RGS22: variants seen among roughly 807,000 people sequenced by gnomAD.
RGS22 encodes the protein regulator of G-protein signaling 22.
A neutral mutation model predicts 172.9 loss-of-function variants in RGS22; 148 were observed. That is an observed-to-expected ratio of 0.86 (90% CI 0.75 to 0.98). The LOEUF (loss-of-function observed/expected upper bound fraction) is 0.98, where lower values mean the gene tolerates loss of function less well. Among genes scored for constraint, RGS22 ranks in the 50% least tolerant of loss-of-function variants. The pLI, the probability that RGS22 is intolerant of heterozygous loss-of-function variation, is 0.00. For synonymous variants in RGS22, 458 were observed against 480.2 expected (o/e 0.95, Z 0.60); for missense variants, 1,347 against 1,440.8 (o/e 0.93, Z 1.05).
At chr8:100,051,695 A>ACG (rs1821449959) in intron 10 of RGS22, among the ~76,000 whole-genome samples, 1 of 43,988 alleles carries the variant, frequency 2.3e-5, no homozygotes, top group African/African-American at 1.5e-4. Context: ...ATATATATTT[A>ACG]TATATACGTA....
intron 22 of RGS22, 50 bp downstream of exon 22, chr8:99,981,887 A>T: frequency 6.7e-7 from 1 of 1,501,594 alleles, no homozygotes. Flanking sequence ...CTTTAAAAGG[A>T]TTGTCAATCT....
chr8:100,004,698 G>A (rs1405755378), intron 16 of RGS22: 1 of 151,270 alleles, frequency 6.6e-6, no homozygotes, highest in African/African-American at 2.4e-5. Flanking sequence ...TTTGTGATCT[G>A]GTTCTTTTTC....
chr8:100,093,838 TG>T (rs1812769463), intron 2 of RGS22, among the ~76,000 whole-genome samples: 1 of 152,148 alleles, frequency 6.6e-6, no homozygotes, highest in African/African-American at 2.4e-5. Context: ...TACCACCACA[TG>T]GTAAGTTTCA....
At chr8:100,087,981 C>A (rs1454149810) in intron 3 of RGS22, among the ~76,000 whole-genome samples, 2 of 152,032 alleles carry the variant, frequency 1.3e-5, no homozygotes, top group Non-Finnish European at 2.9e-5. Flanking sequence ...CTGAACTAAG[C>A]AGTTTCCTAG....
At position 100,062,577 on chromosome 8, in the gene RGS22, T is replaced by G. The variant is rs781668410; in HGVS notation, c.1514+14A>C. On this transcript the variant is annotated intron_variant, in intron 9 of 27. Transcript: ENST00000360863. ...AGGAAAGTGAAAGTAAGTAACTGAT[T>G]CATGTTTTCTTACCAATACAGAAGT... 6.5e-7 allele frequency: 1 copy of G among 1,541,000 alleles called. No individual in the cohort carries two copies. Among genetic ancestry groups the G allele is most frequent in the Non-Finnish European group, 8.9e-7 (1 of 1,126,420 alleles).
intron 14 of RGS22, among the ~76,000 whole-genome samples, chr8:100,025,562 T>C (rs1034380244): frequency 1.3e-5 from 2 of 152,146 alleles, no homozygotes; most frequent in Admixed American, 6.5e-5. Flanking sequence ...AAATACACCA[T>C]CAGCCTAGAG....
At chr8:100,040,407 C>A (rs1819976974) in intron 12 of RGS22, among the ~76,000 whole-genome samples, 3 of 152,004 alleles carry the variant, frequency 2.0e-5, no homozygotes, top group Admixed American at 2.0e-4. Flanking sequence ...TATTCCAAAT[C>A]CTTGTTGGTG....
intron 6 of RGS22, among the ~76,000 whole-genome samples, chr8:100,067,119 C>A (rs1810587775): frequency 6.6e-6 from 1 of 152,168 alleles, no homozygotes; most frequent in Non-Finnish European, 1.5e-5. Flanking sequence ...TCTGATTTAT[C>A]CAACTCAGTC....
chr8:99,994,957 C>T (rs1203526716), intron 20 of RGS22, among the ~76,000 whole-genome samples: 3 of 152,078 alleles, frequency 2.0e-5, no homozygotes. Flanking sequence ...TCAGAAATAA[C>T]ACCACACATC....
intron 2 of RGS22, among the ~76,000 whole-genome samples, chr8:100,100,476 G>A (rs565539386): frequency 6.6e-6 from 1 of 152,188 alleles, no homozygotes; most frequent in Admixed American, 6.5e-5. Context: ...TTTTGGTAGA[G>A]ACGCAGTTTC....
At position 100,063,982 on chromosome 8, in the gene RGS22, G is replaced by C; in HGVS notation, c.786C>G (p.Asn262Lys). ...PRTKKDPSKT[N>K]KLISEFEEEE... Reference sequence around the variant, plus strand: ...CTTCTTCAAATTCAGAAATCAATTTGTTGGTTTTAGATGGGTCCTTTTTTG... The same window carrying C: ...CTTCTTCAAATTCAGAAATCAATTTCTTGGTTTTAGATGGGTCCTTTTTTG... The change falls in exon 8 of 28, where the codon AAC becomes AAG. Residue 262 changes from asparagine to lysine, a missense_variant. Asn to Lys is a moderately conservative substitution (Grantham distance 94). Transcript: ENST00000360863. The C allele has an allele frequency of 6.4e-7, 1 of 1,566,170 alleles. No individual in the cohort carries two copies. The highest frequency in any genetic ancestry group is 8.6e-7 in the Non-Finnish European group (1 of 1,159,898).
At chr8:100,012,558 G>C (rs1170556172) in intron 14 of RGS22, among the ~76,000 whole-genome samples, 1 of 151,822 alleles carries the variant, frequency 6.6e-6, no homozygotes, top group African/African-American at 2.4e-5. Context: ...CTCCAGACTG[G>C]GTGACAAGAG....
At chr8:100,017,012 T>G (rs1785740453) in intron 14 of RGS22, among the ~76,000 whole-genome samples, 1 of 119,500 alleles carries the variant, frequency 8.4e-6, no homozygotes, top group Non-Finnish European at 1.7e-5. Context: ...TTTTTTTTTT[T>G]TTTTAAACAG....
intron 4 of RGS22, among the ~76,000 whole-genome samples, chr8:100,079,060 G>A (rs771592553): frequency 3.3e-5 from 5 of 152,174 alleles, no homozygotes; most frequent in Non-Finnish European, 7.4e-5. Context: ...AGAAACTTGT[G>A]CCAAAGCACA....
intron 10 of RGS22, 43 bp downstream of exon 10, chr8:100,052,759 A>T (rs1411676542): frequency 6.5e-7 from 1 of 1,543,752 alleles, no homozygotes; most frequent in South Asian, 1.1e-5. Flanking sequence ...TACATATTTT[A>T]CTACAAACTT....
At chr8:100,004,843 C>A (rs1434095438) in intron 16 of RGS22, among the ~76,000 whole-genome samples, 1 of 151,482 alleles carries the variant, frequency 6.6e-6, no homozygotes, top group African/African-American at 2.4e-5. Flanking sequence ...TAATCGCCTT[C>A]ATATAAAAGT....
chr8:100,080,324 T>G lies in RGS22; in HGVS notation c.149A>C (p.Asp50Ala). The G allele has an allele frequency of 1.2e-6, 2 of 1,613,080 alleles. No individual in the cohort carries two copies. Among genetic ancestry groups the G allele is most frequent in the Non-Finnish European group, 1.7e-6 (2 of 1,179,442 alleles). Residue 50 changes from aspartate to alanine, a missense_variant, in exon 4 of 28, where the codon GAT becomes GCT. By Grantham distance (126) the Asp-to-Ala change is moderately radical. Transcript: ENST00000360863. ...TFSEAIRFNADYGVFEVANDA... is the reference protein window; with the variant it reads ...TFSEAIRFNAAYGVFEVANDA... ...ATTAGCTACTTCAAAAACTCCATAA[T>G]CTGCATTAAATCTAATTGCCTCTGA...
intron 21 of RGS22, among the ~76,000 whole-genome samples, chr8:99,983,044 G>A (rs1180910524): frequency 6.6e-6 from 1 of 152,128 alleles, no homozygotes; most frequent in Non-Finnish European, 1.5e-5. Context: ...ACTTATAAGT[G>A]AGAACGTGTG....
In RGS22 at chr8:100,052,786, T is replaced by G. The variant is rs1821812249; in HGVS notation, c.1689+16A>C. 6.2e-7 allele frequency: 1 copy of G among 1,610,590 alleles called. No homozygotes were observed. The stretch of plus-strand genomic sequence containing the variant: ...TACAAACTTAGTAGAGATCACAGCA[T>G]GAATGTACACCCTACCTGGATCTCA... On this transcript the variant is annotated intron_variant, in intron 10 of 27. Transcript: ENST00000360863.
Sources: allele counts gnomAD v4.1 joint callset (sites outside exome capture counted in the v4.1 genomes callset), GRCh38; gene constraint gnomAD v4.1.1; transcripts MANE v1.5; gene names NCBI Gene and HGNC (gene_info 2026-07-23, HGNC 2026-07-21).